PARD3: variants seen among roughly 807,000 people sequenced by gnomAD.
PARD3 encodes the protein par-3 family cell polarity regulator, also known as partitioning defective 3 homolog.
Under a neutral mutation model 155.4 loss-of-function variants are expected in PARD3, and 75 were observed. The ratio of observed to expected loss-of-function variants is 0.48; its 90% CI spans 0.40 to 0.58. PARD3 has a LOEUF of 0.58. Ranked by LOEUF, PARD3 falls within the 20% of genes least tolerant of loss-of-function variation. The pLI is 0.00. For missense variants in PARD3, 1,642 were observed against 1,721.7 expected (o/e 0.95, Z 0.82); for synonymous variants, 576 against 610.5 (o/e 0.94, Z 0.83).
At chr10:34,350,947 T>A (rs1273284188) in intron 14 of PARD3, among the ~76,000 whole-genome samples, 5 of 152,078 alleles carry the variant, frequency 3.3e-5, no homozygotes, top group African/African-American at 1.2e-4. Context: ...CAAAAAAAAA[T>A]CTTATTTTTA....
intron 22 of PARD3, among the ~76,000 whole-genome samples, chr10:34,218,148 C>T (rs12261933): frequency 0.093 from 14,203 of 152,156 alleles, 2,239 homozygotes; most frequent in African/African-American, 0.32. Context: ...GTCTTTTAAC[C>T]TTCAGATGCT....
In PARD3 at chr10:34,399,427, A is replaced by G. The variant is rs1468390453; in HGVS notation, c.807-14T>C. On this transcript the variant is annotated splice_polypyrimidine_tract_variant and intron_variant, in intron 6 of 24. Coordinates refer to ENST00000374788, the MANE Select transcript of PARD3 (RefSeq NM_001184785.2). ...TTTACCATATCACTGTGAGACAATG[A>G]TGAATGAGGGAGCATGAACGTGTAC... is the stretch of plus-strand genomic sequence containing the variant. 9 of 1,559,474 alleles carry G rather than the reference A, an allele frequency of 5.8e-6. No homozygotes were observed. Among genetic ancestry groups the G allele is most frequent in the South Asian group, 1.1e-5 (1 of 89,974 alleles).
chr10:34,677,748 C>G (rs1264237157), intron 2 of PARD3, among the ~76,000 whole-genome samples: 2 of 152,154 alleles, frequency 1.3e-5, no homozygotes, highest in Non-Finnish European at 2.9e-5. Flanking sequence ...GATACCATGA[C>G]TAACTCTCAA....
At chr10:34,123,836 TAGAC>T (rs763112554) in intron 23 of PARD3, among the ~76,000 whole-genome samples, 16 of 152,182 alleles carry the variant, frequency 1.1e-4, no homozygotes, top group Non-Finnish European at 2.1e-4. Flanking sequence ...AAATATTTAA[TAGAC>T]AGTTAACAGA....
At chr10:34,229,573 C>T (rs1952805539) in intron 22 of PARD3, among the ~76,000 whole-genome samples, 1 of 151,894 alleles carries the variant, frequency 6.6e-6, no homozygotes, top group African/African-American at 2.4e-5. Context: ...ATACATTCCA[C>T]AACTGTTATG....
chr10:34,142,588 G>A (rs1379137542), intron 22 of PARD3, among the ~76,000 whole-genome samples: 3 of 150,522 alleles, frequency 2.0e-5, no homozygotes, highest in Admixed American at 1.3e-4. Context: ...GAAGCGGGGG[G>A]CAGGGAGGGA....
intron 24 of PARD3, among the ~76,000 whole-genome samples, 174 bp downstream of exon 24, chr10:34,119,439 T>A (rs1007294668): frequency 6.6e-6 from 1 of 152,170 alleles, no homozygotes; most frequent in Non-Finnish European, 1.5e-5. Context: ...GGCCTCGCAG[T>A]ACGACAGCCC....
At chr10:34,253,710 G>A (rs1173350314) in intron 22 of PARD3, among the ~76,000 whole-genome samples, 2 of 152,164 alleles carry the variant, frequency 1.3e-5, no homozygotes, top group African/African-American at 4.8e-5. Context: ...AGAAGACACA[G>A]CTGTCTGCCA....
intron 2 of PARD3, among the ~76,000 whole-genome samples, chr10:34,656,728 A>G (rs7911185): frequency 3.9e-5 from 6 of 152,118 alleles, no homozygotes; most frequent in Non-Finnish European, 7.4e-5. Context: ...AATTATGTAC[A>G]TGCTGGGAAC....
chr10:34,441,074 C>A (rs1288993917), intron 5 of PARD3, among the ~76,000 whole-genome samples: 2 of 151,990 alleles, frequency 1.3e-5, no homozygotes, highest in Non-Finnish European at 2.9e-5. Flanking sequence ...GAAGATGCCA[C>A]GGAAGCAAAA....
At chr10:34,535,279 T>C (rs905925743) in intron 2 of PARD3, among the ~76,000 whole-genome samples, 7 of 152,168 alleles carry the variant, frequency 4.6e-5, no homozygotes, top group Admixed American at 4.6e-4. Context: ...TGTTAAGTAT[T>C]GGGGAAAAGA....
At chr10:34,716,595 T>TC (rs1012396770) in intron 1 of PARD3, among the ~76,000 whole-genome samples, 1 of 142,552 alleles carries the variant, frequency 7.0e-6, no homozygotes, top group East Asian at 2.0e-4. Context: ...CTTTTTTTTT[T>TC]TTTTTTTTTT....
At chr10:34,122,695 T>C (rs752797145) in intron 23 of PARD3, among the ~76,000 whole-genome samples, 6 of 152,214 alleles carry the variant, frequency 3.9e-5, no homozygotes, top group Non-Finnish European at 8.8e-5. Context: ...ATTGCATACA[T>C]GACCAGCCCA....
chr10:34,763,982 T>C (rs1837778348), intron 1 of PARD3, among the ~76,000 whole-genome samples: 1 of 152,204 alleles, frequency 6.6e-6, no homozygotes, highest in Non-Finnish European at 1.5e-5. Flanking sequence ...AGTTTACCAA[T>C]AAATAGGCAC....
intron 2 of PARD3, among the ~76,000 whole-genome samples, chr10:34,647,556 A>G (rs571810127): frequency 2.4e-4 from 36 of 152,314 alleles, no homozygotes; most frequent in Admixed American, 2.3e-3. Flanking sequence ...TATATTCCAA[A>G]AAGTTCTTTT....
At chr10:34,339,556 A>T (rs2134294332) in intron 16 of PARD3, among the ~76,000 whole-genome samples, 1 of 152,360 alleles carries the variant, frequency 6.6e-6, no homozygotes, top group Admixed American at 6.5e-5. Context: ...CTCTAAAATT[A>T]TGTTACCATT....
intron 1 of PARD3, among the ~76,000 whole-genome samples, chr10:34,747,467 A>C (rs1381959858): frequency 2.6e-5 from 4 of 152,262 alleles, no homozygotes; most frequent in Non-Finnish European, 5.9e-5. Flanking sequence ...TTAAAAAAAG[A>C]AAAGCAAAAA....
chr10:34,119,578 G>T (rs775433396), intron 24 of PARD3, 35 bp downstream of exon 24: 2 of 1,572,510 alleles, frequency 1.3e-6, no homozygotes, highest in South Asian at 1.1e-5. Flanking sequence ...TAAAGGGCCG[G>T]GGGGATCTGG....
intron 3 of PARD3, among the ~76,000 whole-genome samples, chr10:34,503,990 A>C (rs1207943116): frequency 6.6e-6 from 1 of 152,230 alleles, no homozygotes; most frequent in African/African-American, 2.4e-5. Context: ...TAGTTAAAGC[A>C]GGGATCAGTT....
Sources: gnomAD v4.1 joint callset for allele counts (sites outside exome capture counted in the v4.1 genomes callset) on GRCh38, gnomAD v4.1.1 for gene constraint, MANE v1.5 for transcripts, NCBI Gene and HGNC (gene_info 2026-07-23, HGNC 2026-07-21) for gene names.